CES5A: variants seen among roughly 807,000 people sequenced by gnomAD.
CES5A encodes the protein carboxylesterase 5A.
Under a neutral mutation model 62.9 loss-of-function variants are expected in CES5A, and 67 were observed. That is an observed-to-expected ratio of 1.07 (90% CI 0.88 to 1.31). The LOEUF (loss-of-function observed/expected upper bound fraction) is 1.31. Ranked by LOEUF, CES5A falls within the 50% of genes most tolerant of loss-of-function variation. CES5A has a pLI of 0.00. For synonymous variants in CES5A, 296 were observed against 280.8 expected (o/e 1.05, Z -0.54); for missense variants, 748 against 708.5 (o/e 1.06, Z -0.63).
At chr16:55,946,168 G>A (rs2034492997) in intron 2 of CES5A, among the ~76,000 whole-genome samples, 1 of 152,188 alleles carries the variant, frequency 6.6e-6, no homozygotes, top group African/African-American at 2.4e-5. Flanking sequence ...TTCCTAATAT[G>A]CAAACCAGGA....
At chr16:55,883,418 T>C (rs375999948) in intron 1 of CES5A, among the ~76,000 whole-genome samples, 2 of 152,202 alleles carry the variant, frequency 1.3e-5, no homozygotes, top group East Asian at 1.9e-4. Context: ...ATTACAGGCA[T>C]GCACCACCAC....
chr16:55,925,157 C>A (rs1258622767), intron 1 of CES5A, among the ~76,000 whole-genome samples: 1 of 151,930 alleles, frequency 6.6e-6, no homozygotes, highest in African/African-American at 2.4e-5. Context: ...GGAACTCAAA[C>A]AACTCAATAG....
intron 2 of CES5A, among the ~76,000 whole-genome samples, chr16:55,935,590 A>G (rs1195862042): frequency 6.6e-6 from 1 of 152,068 alleles, no homozygotes; most frequent in African/African-American, 2.4e-5. Flanking sequence ...CCAAAGTCCA[A>G]CCATCCTTCA....
chr16:55,847,482 A>T (rs1175233273), intron 11 of CES5A, among the ~76,000 whole-genome samples: 1 of 152,166 alleles, frequency 6.6e-6, no homozygotes, highest in Non-Finnish European at 1.5e-5. Context: ...AAATGCAGAA[A>T]GAGATCTAAT....
At chr16:55,917,642 G>T (rs1337955653) in intron 1 of CES5A, among the ~76,000 whole-genome samples, 1 of 152,158 alleles carries the variant, frequency 6.6e-6, no homozygotes, top group Non-Finnish European at 1.5e-5. Context: ...GGGAATGAGA[G>T]AACAAGAAAG....
intron 10 of CES5A, among the ~76,000 whole-genome samples, chr16:55,850,628 T>C (rs1490263780): frequency 6.6e-6 from 1 of 152,256 alleles, no homozygotes; most frequent in Non-Finnish European, 1.5e-5. Context: ...GATTCATCAG[T>C]TGATGAACAT....
chr16:55,942,197 G>A (rs574267293), intron 2 of CES5A, among the ~76,000 whole-genome samples: 5 of 152,236 alleles, frequency 3.3e-5, no homozygotes, highest in South Asian at 2.1e-4. Flanking sequence ...TTAAAATCAC[G>A]AAGCATAATG....
At chr16:55,931,118 G>A (rs1325367633) in intron 2 of CES5A, among the ~76,000 whole-genome samples, 1 of 152,196 alleles carries the variant, frequency 6.6e-6, no homozygotes, top group Non-Finnish European at 1.5e-5. Flanking sequence ...CAGAATCAGG[G>A]TTCTTGACTC....
chr16:55,951,570 T>C (rs1349410533), intron 1 of CES5A, among the ~76,000 whole-genome samples: 1 of 152,014 alleles, frequency 6.6e-6, no homozygotes, highest in East Asian at 1.9e-4. Context: ...TAAAGCAAAA[T>C]GAGACAGAGA....
chr16:55,923,408 G>A (rs1281167641), intron 1 of CES5A, among the ~76,000 whole-genome samples: 4 of 151,636 alleles, frequency 2.6e-5, no homozygotes, highest in Non-Finnish European at 5.9e-5. Context: ...CAACAAATTG[G>A]AAAACCTAGA....
chr16:55,912,454 G>C (rs1173278929), intron 1 of CES5A, among the ~76,000 whole-genome samples: 3 of 152,130 alleles, frequency 2.0e-5, no homozygotes, highest in Admixed American at 2.0e-4. Flanking sequence ...AGGCACCAAG[G>C]GGGTGCTCAG....
intron 1 of CES5A, among the ~76,000 whole-genome samples, chr16:55,924,963 A>AT (rs1333297624): frequency 1.3e-5 from 2 of 152,076 alleles, no homozygotes; most frequent in African/African-American, 4.8e-5. Flanking sequence ...CTGGGCAAAG[A>AT]TTTTTTGTAT....
chr16:55,885,594 C>T (rs978764648), intron 1 of CES5A, among the ~76,000 whole-genome samples: 3 of 152,098 alleles, frequency 2.0e-5, no homozygotes, highest in Non-Finnish European at 2.9e-5. Context: ...GTCAGGGAGC[C>T]GGGAAGCCTA....
chr16:55,905,593 C>T (rs2034033042), intron 1 of CES5A, among the ~76,000 whole-genome samples: 1 of 152,020 alleles, frequency 6.6e-6, no homozygotes, highest in African/African-American at 2.4e-5. Flanking sequence ...AACTCCTGAC[C>T]TCGTGATCCG....
At chr16:55,942,011 G>T (rs374091100) in intron 2 of CES5A, among the ~76,000 whole-genome samples, 1 of 152,086 alleles carries the variant, frequency 6.6e-6, no homozygotes, top group Non-Finnish European at 1.5e-5. Flanking sequence ...TAACAGAAGC[G>T]CTGAAACAAT....
chr16:55,926,058 T>C (rs1231701902), upstream of CES5A, among the ~76,000 whole-genome samples: 2 of 152,162 alleles, frequency 1.3e-5, no homozygotes, highest in South Asian at 4.1e-4. Context: ...GTTTGCTAGA[T>C]CTGTAGAGTG....
chr16:55,950,943 A>G (rs2034549517), intron 1 of CES5A, among the ~76,000 whole-genome samples: 1 of 151,794 alleles, frequency 6.6e-6, no homozygotes, highest in Non-Finnish European at 1.5e-5. Context: ...TCTACTAAAA[A>G]TACAAAAAAT....
chr16:55,926,028 T>C (rs2034254727), upstream of CES5A, among the ~76,000 whole-genome samples: 1 of 152,114 alleles, frequency 6.6e-6, no homozygotes, highest in Non-Finnish European at 1.5e-5. Context: ...TATGGTTTCA[T>C]GGAAGAAATA....
intron 1 of CES5A, among the ~76,000 whole-genome samples, chr16:55,909,570 G>GCACA (rs34468527): frequency 0.12 from 18,516 of 150,072 alleles, 2,098 homozygotes; most frequent in African/African-American, 0.28. Flanking sequence ...GTGCGCACGT[G>GCACA]CACACACACA....
Sources: gnomAD v4.1 joint callset for allele counts (sites outside exome capture counted in the v4.1 genomes callset) on GRCh38, gnomAD v4.1.1 for gene constraint, MANE v1.5 for transcripts, NCBI Gene and HGNC (gene_info 2026-07-23, HGNC 2026-07-21) for gene names.